The following CDHR3 variants were observed in gnomAD, a reference collection of about 807,000 sequenced individuals.
The protein encoded by CDHR3 is cadherin related family member 3.
In CDHR3, 79 loss-of-function variants were observed where a neutral mutation model predicts 86.6. The observed-to-expected ratio is 0.91, with a 90% CI of 0.76 to 1.10. The LOEUF (loss-of-function observed/expected upper bound fraction) is 1.10, where lower values mean the gene tolerates loss of function less well. CDHR3 is among the 50% of genes least tolerant of loss of function. CDHR3 has a pLI of 0.00. For missense variants in CDHR3, 1,081 were observed against 1,077.6 expected (o/e 1.00, Z -0.04); for synonymous variants, 421 against 402.4 (o/e 1.05, Z -0.55).
rs1830582315 is a variant in CDHR3 at position 105,986,724 on chromosome 7, C to A, written c.513+2435C>A. Among the ~76,000 whole-genome samples the A allele has an allele frequency of 2.0e-5, 3 of 152,110 alleles. No homozygotes were observed. The South Asian group carries it at 6.2e-4, about 32-fold the overall frequency. On this transcript the variant is annotated intron_variant, in intron 4 of 18. Transcript: ENST00000317716. ...TAGCAAGGCCCTGTTTGTTCAGATT[C>A]TTCTTGGTCTCTGGTTGTAGGGTCT... is the stretch of plus-strand genomic sequence containing the variant.
intron 5 of CDHR3, 73 bp from the exon 6 acceptor site, chr7:105,996,177 T>C (rs766890090): frequency 4.9e-5 from 40 of 819,650 alleles, no homozygotes; most frequent in Non-Finnish European, 7.6e-5. Context: ...TCCCACCCCA[T>C]GATTTTCCCC....
At chr7:106,012,723 T>A (rs1301587936) in intron 8 of CDHR3, 137 bp from the exon 9 acceptor site, 1 of 899,072 alleles carries the variant, frequency 1.1e-6, no homozygotes. Flanking sequence ...GGGAGACCAG[T>A]TAGGAGGTGA....
chr7:105,988,016 A>G (rs570260802), intron 4 of CDHR3, among the ~76,000 whole-genome samples: 5 of 152,088 alleles, frequency 3.3e-5, no homozygotes, highest in Non-Finnish European at 7.4e-5. Context: ...TCAGCCTTCC[A>G]AGTAGCTGGG....
intron 8 of CDHR3, among the ~76,000 whole-genome samples, chr7:106,008,743 C>T (rs188209588): frequency 6.2e-4 from 94 of 152,272 alleles, no homozygotes; most frequent in African/African-American, 2.2e-3. Flanking sequence ...CACACTTACA[C>T]TTTCTTTGAC....
chr7:105,985,058 CAAAA>C (rs3999857), intron 4 of CDHR3, among the ~76,000 whole-genome samples: 11,895 of 141,318 alleles, frequency 0.084, 677 homozygotes, highest in South Asian at 0.21. Context: ...GACCCTGTCT[CAAAA>C]AAAAAAAAAA....
intron 6 of CDHR3, among the ~76,000 whole-genome samples, chr7:105,998,681 A>G (rs932178007): frequency 3.3e-5 from 5 of 152,124 alleles, no homozygotes; most frequent in Non-Finnish European, 2.9e-5. Flanking sequence ...CTACTCAGGA[A>G]GCTGAGACAG....
At chr7:106,029,838 G>C (rs1461094463) in intron 17 of CDHR3, among the ~76,000 whole-genome samples, 1 of 152,202 alleles carries the variant, frequency 6.6e-6, no homozygotes, top group Non-Finnish European at 1.5e-5. Flanking sequence ...GGTCTCCTGG[G>C]TCTTATTGTC....
chr7:105,983,411 T>G (rs970285011), intron 3 of CDHR3, among the ~76,000 whole-genome samples: 15 of 152,196 alleles, frequency 9.9e-5, no homozygotes, highest in African/African-American at 3.6e-4. Context: ...TGAAAAGCAC[T>G]AATTACGCTA....
At chr7:105,977,903 A>G (rs77470424) in intron 2 of CDHR3, among the ~76,000 whole-genome samples, 2,860 of 152,308 alleles carry the variant, frequency 0.019, 103 homozygotes, top group African/African-American at 0.065. Flanking sequence ...GAGTAATGAT[A>G]ATAATGAGGA....
At chr7:105,993,362 G>C (rs1287791939) in intron 4 of CDHR3, among the ~76,000 whole-genome samples, 1 of 152,090 alleles carries the variant, frequency 6.6e-6, no homozygotes, top group Non-Finnish European at 1.5e-5. Context: ...ACTTGTCCCA[G>C]ATCTTGTGGT....
chr7:105,978,830 G>A (rs1018801138), intron 2 of CDHR3, among the ~76,000 whole-genome samples: 4 of 152,084 alleles, frequency 2.6e-5, no homozygotes, highest in Non-Finnish European at 5.9e-5. Context: ...CCTCTGGGGT[G>A]TGAGAGCTAC....
intron 18 of CDHR3, among the ~76,000 whole-genome samples, chr7:106,031,041 C>G (rs957405639): frequency 6.6e-6 from 1 of 152,208 alleles, no homozygotes; most frequent in Non-Finnish European, 1.5e-5. Context: ...TGCTCAAGTA[C>G]AGGGTCACAC....
At chr7:105,965,108 C>T (rs1314573364) in intron 1 of CDHR3, among the ~76,000 whole-genome samples, 4 of 152,180 alleles carry the variant, frequency 2.6e-5, no homozygotes, top group Non-Finnish European at 5.9e-5. Flanking sequence ...TTATTTAAAA[C>T]ACACAATAGA....
At position 106,015,220 on chromosome 7, in the gene CDHR3, A is replaced by G. The variant is rs1835413999; in HGVS notation, c.1327+7A>G. ...GCCCCCCCTTACTATAAAAGCAAGTATCATTTTGTTTTATTTCATGATTGT... is the reference window on the plus strand; with the variant it reads ...GCCCCCCCTTACTATAAAAGCAAGTGTCATTTTGTTTTATTTCATGATTGT... On this transcript the variant is annotated splice_region_variant and intron_variant, in intron 10 of 18. Coordinates refer to ENST00000317716, the MANE Select transcript of CDHR3 (RefSeq NM_152750.5). 2 of 1,596,262 alleles carry G rather than the reference A, an allele frequency of 1.3e-6. No individual in the cohort carries two copies. Among genetic ancestry groups the G allele is most frequent in the Non-Finnish European group, 1.7e-6 (2 of 1,169,744 alleles).
chr7:105,969,353 T>C (rs921020442), intron 1 of CDHR3, among the ~76,000 whole-genome samples: 34 of 141,584 alleles, frequency 2.4e-4, no homozygotes, highest in African/African-American at 9.0e-4. Context: ...TGAGCCGAGA[T>C]TGCGCCACTG....
At chr7:105,988,844 A>G (rs1830902145) in intron 4 of CDHR3, among the ~76,000 whole-genome samples, 1 of 152,254 alleles carries the variant, frequency 6.6e-6, no homozygotes, top group Non-Finnish European at 1.5e-5. Context: ...TAGCTTATTT[A>G]ACTCAGTATA....
chr7:105,986,918 T>C (rs1348916941), intron 4 of CDHR3, among the ~76,000 whole-genome samples: 1 of 152,234 alleles, frequency 6.6e-6, no homozygotes, highest in Non-Finnish European at 1.5e-5. Context: ...TATCGTGTTC[T>C]GATTTCTGAT....
intron 8 of CDHR3, among the ~76,000 whole-genome samples, chr7:106,011,530 G>A (rs1302937195): frequency 6.6e-6 from 1 of 152,132 alleles, no homozygotes; most frequent in Non-Finnish European, 1.5e-5. Flanking sequence ...AGCTGTCAGT[G>A]ACCACAGAGA....
chr7:105,984,238 C>G lies in CDHR3; in HGVS notation c.462C>G (p.Tyr154Ter), dbSNP rs1209235965. Residue 154 changes from tyrosine (Y) to a stop codon, truncating the protein, a stop_gained, in exon 4 of 19, where the codon TAC becomes TAG. Coordinates refer to ENST00000317716, the MANE Select transcript of CDHR3 (RefSeq NM_152750.5). LOFTEE classifies it high-confidence loss of function. ...AAAGAGCAAACCCTGGATTCATTTACCAGGTTGAGGCCTTCGATCCAGAAG... is the reference window on the plus strand; with the variant it reads ...AAAGAGCAAACCCTGGATTCATTTAGCAGGTTGAGGCCTTCGATCCAGAAG... Reference protein sequence around the residue: ...IVERANPGFIYQVEAFDPEDT... With the variant: ...IVERANPGFI 2 of 1,610,956 alleles carry G rather than the reference C, an allele frequency of 1.2e-6. No homozygotes were observed. The highest frequency in any genetic ancestry group is 4.5e-5 in the East Asian group (2 of 44,814).
Sources: allele counts gnomAD v4.1 joint callset (sites outside exome capture counted in the v4.1 genomes callset), GRCh38; gene constraint gnomAD v4.1.1; transcripts MANE v1.5; gene names NCBI Gene and HGNC (gene_info 2026-07-23, HGNC 2026-07-21).